The following KIF1B variants were observed in gnomAD, a reference collection of about 807,000 sequenced individuals.
The protein encoded by KIF1B is kinesin family member 1B, also known as kinesin-like protein KIF1B.
Under a neutral mutation model 241.9 loss-of-function variants are expected in KIF1B, and 76 were observed. The ratio of observed to expected loss-of-function variants is 0.31; its 90% CI spans 0.26 to 0.38. KIF1B has a LOEUF of 0.38. KIF1B is among the 10% of genes least tolerant of loss of function. KIF1B has a pLI of 1.00. For missense variants in KIF1B, 1,622 were observed against 2,271.4 expected, an observed-to-expected ratio of 0.71 and a Z score of 5.81; for synonymous variants, 750 against 796.7, an observed-to-expected ratio of 0.94 and a Z score of 0.99.
chr1:10,323,109 G>C (rs1044582878), intron 24 of KIF1B, among the ~76,000 whole-genome samples: 1 of 152,092 alleles, frequency 6.6e-6, no homozygotes, highest in East Asian at 1.9e-4. Context: ...TGATCCTTCC[G>C]CCTCGGCCTT....
intron 22 of KIF1B, among the ~76,000 whole-genome samples, chr1:10,301,092 G>T (rs561683472): frequency 1.0e-3 from 154 of 152,148 alleles, no homozygotes; most frequent in African/African-American, 3.5e-3. Context: ...CCCGGCTAAG[G>T]CAGGAAGATC....
chr1:10,305,134 C>T, intron 22 of KIF1B: 1 of 1,060,266 alleles, frequency 9.4e-7, no homozygotes, highest in South Asian at 4.1e-5. Flanking sequence ...CTTTGGATTT[C>T]TCATCCACGT....
At chr1:10,252,214 A>AT (rs1557665743) in intron 2 of KIF1B, among the ~76,000 whole-genome samples, 1 of 151,620 alleles carries the variant, frequency 6.6e-6, no homozygotes, top group East Asian at 1.9e-4. Flanking sequence ...TAACTTTTGT[A>AT]TTTTTTGTAG....
intron 2 of KIF1B, among the ~76,000 whole-genome samples, chr1:10,245,390 G>C (rs957692929): frequency 6.6e-6 from 1 of 152,162 alleles, no homozygotes; most frequent in African/African-American, 2.4e-5. Context: ...TTTTGTGATA[G>C]TCATTTTGAT....
In KIF1B at chr1:10,361,046, G is replaced by A. The variant is rs1399471102; in HGVS notation, c.4170+3G>A. The A allele has an allele frequency of 2.5e-6, 4 of 1,585,770 alleles. No homozygotes were observed. Among genetic ancestry groups the A allele is most frequent in the South Asian group, 2.2e-5 (2 of 90,504 alleles). On this transcript the variant is annotated splice_donor_region_variant and intron_variant, in intron 39 of 48. Coordinates refer to ENST00000676179, the MANE Select transcript of KIF1B (RefSeq NM_001365951.3). ...TGACCTTGTCGGCCTACCTAGAGGT[G>A]AGGAGACTTGGAACTTCAGTTGATG...
Position 10,298,692 on chromosome 1 carries a change from A to T in KIF1B, c.2115+1446A>T, listed in dbSNP as rs139817236. On this transcript the variant is annotated intron_variant, in intron 22 of 48. Coordinates refer to ENST00000676179, the MANE Select transcript of KIF1B (RefSeq NM_001365951.3). ...ATGGTCTGTGAGAGATCAAATGAGG[A>T]CAGGTGTAATTAAGCTCTATTATTA... Among the ~76,000 whole-genome samples, 629 of 152,320 alleles carry T rather than the reference A, an allele frequency of 4.1e-3. 1 individual carries two copies. Among genetic ancestry groups the T allele is most frequent in the Non-Finnish European group, 7.1e-3 (480 of 68,028 alleles).
chr1:10,373,349 C>T (rs1638799429), intron 45 of KIF1B, among the ~76,000 whole-genome samples: 1 of 149,648 alleles, frequency 6.7e-6, no homozygotes, highest in Admixed American at 6.7e-5. Flanking sequence ...ATTCTCGTGC[C>T]TCAGCCTCCT....
intron 14 of KIF1B, 110 bp from the exon 15 acceptor site, chr1:10,282,212 G>A (rs1263067835): frequency 1.8e-5 from 15 of 840,250 alleles, no homozygotes; most frequent in Non-Finnish European, 2.7e-5. Context: ...TGGTCTTGGC[G>A]CTTTAATGCT....
intron 4 of KIF1B, 103 bp from the exon 5 acceptor site, chr1:10,261,802 A>G: frequency 1.3e-6 from 1 of 773,796 alleles, no homozygotes; most frequent in Non-Finnish European, 2.4e-6. Flanking sequence ...ATATTTTGAG[A>G]TGGAGCAAGA....
chr1:10,348,793 T>G (rs74964979), intron 37 of KIF1B, 60 bp downstream of exon 37: 1 of 1,179,750 alleles, frequency 8.5e-7, no homozygotes, highest in African/African-American at 1.5e-5. Context: ...TTTTTTTTTT[T>G]GAGATAGGGT....
chr1:10,231,896 TAGAA>T (rs1646988393), intron 1 of KIF1B, among the ~76,000 whole-genome samples: 1 of 152,150 alleles, frequency 6.6e-6, no homozygotes, highest in African/African-American at 2.4e-5. Context: ...AAGGAGATAA[TAGAA>T]AGGGAAAACA....
intron 5 of KIF1B, among the ~76,000 whole-genome samples, chr1:10,265,248 A>G (rs575759003): frequency 3.4e-5 from 4 of 116,330 alleles, no homozygotes; most frequent in Non-Finnish European, 7.3e-5. Context: ...TTATTTATTT[A>G]TTTTTAGAGA....
At chr1:10,255,063 C>G (rs1439218994) in intron 2 of KIF1B, among the ~76,000 whole-genome samples, 1 of 151,902 alleles carries the variant, frequency 6.6e-6, no homozygotes, top group African/African-American at 2.4e-5. Flanking sequence ...ATTCTCCTGC[C>G]TCAACCTCCC....
chr1:10,354,339 CT>C (rs1176978620), intron 38 of KIF1B, among the ~76,000 whole-genome samples: 6 of 152,292 alleles, frequency 3.9e-5, no homozygotes, highest in African/African-American at 1.4e-4. Flanking sequence ...TTCTGATTGT[CT>C]TTCTTGCAAA....
At chr1:10,332,602 G>A (rs530660904) in intron 27 of KIF1B, among the ~76,000 whole-genome samples, 4 of 125,980 alleles carry the variant, frequency 3.2e-5, no homozygotes, top group Non-Finnish European at 3.2e-5. Flanking sequence ...TGCAAGCTCC[G>A]CCTCCCGGGT....
intron 22 of KIF1B, among the ~76,000 whole-genome samples, chr1:10,318,218 C>T (rs1017007392): frequency 2.6e-5 from 4 of 151,478 alleles, no homozygotes; most frequent in East Asian, 1.9e-4. Context: ...AACTGACAAA[C>T]GACCAGAACC....
chr1:10,253,195 T>C (rs1237200955), intron 2 of KIF1B, among the ~76,000 whole-genome samples: 2 of 152,312 alleles, frequency 1.3e-5, no homozygotes, highest in Non-Finnish European at 2.9e-5. Context: ...GAGTGTGAAC[T>C]CTGGAGCCAA....
intron 38 of KIF1B, among the ~76,000 whole-genome samples, chr1:10,357,893 C>G (rs1638297847): frequency 6.6e-6 from 1 of 151,576 alleles, no homozygotes; most frequent in Non-Finnish European, 1.5e-5. Flanking sequence ...CCTGTAATCC[C>G]AGCTACTTGG....
intron 7 of KIF1B, among the ~76,000 whole-genome samples, chr1:10,270,104 T>C (rs1648707903): frequency 6.6e-6 from 1 of 152,202 alleles, no homozygotes; most frequent in Admixed American, 6.5e-5. Context: ...ATACAGTAAA[T>C]GGCACATATT....
Sources: allele counts gnomAD v4.1 joint callset (sites outside exome capture counted in the v4.1 genomes callset), GRCh38; gene constraint gnomAD v4.1.1; transcripts MANE v1.5; gene names NCBI Gene and HGNC (gene_info 2026-07-23, HGNC 2026-07-21).